Variants in AGBL1 observed in about 807,000 individuals in gnomAD.
AGBL1 encodes AGBL carboxypeptidase 1.
A neutral mutation model predicts 118.9 loss-of-function variants in AGBL1; 130 were observed. The ratio of observed to expected loss-of-function variants is 1.09; its 90% CI spans 0.95 to 1.26. AGBL1 has a LOEUF of 1.26. AGBL1 is among the 50% of genes most tolerant of loss of function. AGBL1 has a pLI of 0.00. For missense variants in AGBL1, 1,584 were observed against 1,298.1 expected (o/e 1.22, Z -3.38); for synonymous variants, 555 against 478.9 (o/e 1.16, Z -2.08).
At chr15:86,625,384 TG>T (rs377386673) in intron 21 of AGBL1, among the ~76,000 whole-genome samples, 2,191 of 41,084 alleles carry the variant, frequency 0.053, 64 homozygotes, top group South Asian at 0.077. Context: ...TTTTTGTTTT[TG>T]TTTTTTTTTT....
At chr15:86,133,338 C>T (rs77495321) in intron 1 of AGBL1, among the ~76,000 whole-genome samples, 1,937 of 152,264 alleles carry the variant, frequency 0.013, 24 homozygotes, top group East Asian at 0.061. Flanking sequence ...TTTTGTTTAT[C>T]TTTCAGCTCT....
At chr15:86,312,871 G>A (rs1399964704) in intron 17 of AGBL1, among the ~76,000 whole-genome samples, 1 of 152,146 alleles carries the variant, frequency 6.6e-6, no homozygotes, top group African/African-American at 2.4e-5. Flanking sequence ...TCATTGGGCT[G>A]AAACACTGAG....
intron 17 of AGBL1, among the ~76,000 whole-genome samples, chr15:86,301,262 C>T (rs1277688951): frequency 1.3e-5 from 2 of 152,060 alleles, no homozygotes; most frequent in Admixed American, 1.3e-4. Flanking sequence ...TCCATAAAGA[C>T]TATTGAGTCC....
chr15:86,578,312 T>C (rs1450164653), intron 21 of AGBL1, among the ~76,000 whole-genome samples: 1 of 152,232 alleles, frequency 6.6e-6, no homozygotes, highest in Non-Finnish European at 1.5e-5. Context: ...CCCCTTCATT[T>C]TGGCCAATTT....
chr15:86,501,584 T>C (rs2082917546), intron 18 of AGBL1, among the ~76,000 whole-genome samples: 1 of 151,674 alleles, frequency 6.6e-6, no homozygotes, highest in African/African-American at 2.4e-5. Context: ...TTTTAGCTCT[T>C]ACATTTAGAT....
intron 24 of AGBL1, among the ~76,000 whole-genome samples, chr15:87,005,154 G>C (rs1428064997): frequency 3.9e-5 from 6 of 152,108 alleles, no homozygotes; most frequent in Admixed American, 6.5e-5. Context: ...TGGTGAATCT[G>C]ACAATTATGT....
In AGBL1 at chr15:86,827,355, ATATATATGTGTGTG is replaced by A. The variant is rs1334071821; in HGVS notation, c.3159-79724_3159-79711del. ...TATATATATGTGTATATATATATAT[ATATATATGTGTGTG>A]TATATATATATATACACATATATAT... On this transcript the variant is annotated intron_variant, in intron 22 of 22. Coordinates refer to ENST00000614907, the MANE Select transcript of AGBL1 (RefSeq NM_001386094.1). Among the ~76,000 whole-genome samples, 117 of 11,376 alleles carry A rather than the reference ATATATATGTGTGTG, an allele frequency of 0.01. 16 individuals carry two copies. The East Asian group carries it at 0.15, about 15-fold the overall frequency. The allele number at this position is 11,376 out of a possible 152,430, so 7.5% of individuals were successfully genotyped here.
intron 16 of AGBL1, among the ~76,000 whole-genome samples, chr15:86,281,145 A>G (rs761423485): frequency 4.6e-5 from 7 of 152,126 alleles, no homozygotes; most frequent in Admixed American, 2.6e-4. Flanking sequence ...GCACTTTGGG[A>G]GGCCAAGATG....
chr15:86,409,301 C>G (rs748339817), intron 18 of AGBL1, among the ~76,000 whole-genome samples: 2 of 152,204 alleles, frequency 1.3e-5, no homozygotes, highest in Non-Finnish European at 2.9e-5. Context: ...CACACTCAAT[C>G]TTTCTGATGA....
chr15:86,850,443 A>G (rs1472372273), intron 22 of AGBL1, among the ~76,000 whole-genome samples: 3 of 152,170 alleles, frequency 2.0e-5, no homozygotes, highest in African/African-American at 7.2e-5. Context: ...CCATTTTATA[A>G]ACAGATCTTT....
intron 22 of AGBL1, among the ~76,000 whole-genome samples, chr15:86,739,408 A>T (rs997536048): frequency 6.1e-5 from 8 of 131,248 alleles, no homozygotes; most frequent in African/African-American, 2.1e-4. Flanking sequence ...GTGCCATTGC[A>T]CTCCAGCCTG....
chr15:86,755,642 T>C (rs149022347), intron 22 of AGBL1, among the ~76,000 whole-genome samples: 153 of 152,264 alleles, frequency 1.0e-3, no homozygotes, highest in African/African-American at 3.5e-3. Context: ...TCTATCTTAC[T>C]TTTGTGAATG....
chr15:86,733,537 G>C (rs1016597679), intron 22 of AGBL1, among the ~76,000 whole-genome samples: 1 of 152,100 alleles, frequency 6.6e-6, no homozygotes, highest in African/African-American at 2.4e-5. Flanking sequence ...ATCACTGCTT[G>C]GGATGGGACC....
chr15:86,162,813 A>G (rs955033193), intron 5 of AGBL1, among the ~76,000 whole-genome samples: 1 of 152,028 alleles, frequency 6.6e-6, no homozygotes, highest in African/African-American at 2.4e-5. Context: ...TGAGTGTGGC[A>G]TTCCCTCTTC....
chr15:86,565,952 AGC>A (rs1372791091), intron 21 of AGBL1, among the ~76,000 whole-genome samples: 1 of 152,164 alleles, frequency 6.6e-6, no homozygotes, highest in Non-Finnish European at 1.5e-5. Flanking sequence ...ATAATCTCCT[AGC>A]GTGCCATTTG....
intron 17 of AGBL1, among the ~76,000 whole-genome samples, chr15:86,351,686 T>C (rs2080628870): frequency 6.6e-6 from 1 of 152,182 alleles, no homozygotes; most frequent in East Asian, 1.9e-4. Flanking sequence ...CCCTGAATTT[T>C]TTTATAAGTT....
intron 1 of AGBL1, among the ~76,000 whole-genome samples, chr15:86,110,629 T>C (rs954140826): frequency 3.9e-5 from 6 of 152,072 alleles, no homozygotes; most frequent in African/African-American, 1.4e-4. Context: ...CCAACTCTAG[T>C]AGAATTGGGC....
intron 22 of AGBL1, among the ~76,000 whole-genome samples, chr15:86,798,732 G>T (rs148759906): frequency 6.7e-6 from 1 of 148,758 alleles, no homozygotes; most frequent in East Asian, 2.0e-4. Flanking sequence ...ATCCAGGACC[G>T]GCAACTAGAT....
At chr15:86,357,012 T>A (rs1002194534) in intron 17 of AGBL1, among the ~76,000 whole-genome samples, 1 of 152,248 alleles carries the variant, frequency 6.6e-6, no homozygotes, top group African/African-American at 2.4e-5. Flanking sequence ...TTGTTGTTTT[T>A]GTTGGGCAAA....
Sources: gnomAD v4.1 joint callset for allele counts (sites outside exome capture counted in the v4.1 genomes callset) on GRCh38, gnomAD v4.1.1 for gene constraint, MANE v1.5 for transcripts, NCBI Gene and HGNC (gene_info 2026-07-23, HGNC 2026-07-21) for gene names.